Variants in KDM8 observed in about 807,000 individuals in gnomAD.
KDM8 encodes the protein lysine demethylase 8, also known as bifunctional peptidase and arginyl-hydroxylase JMJD5.
A neutral mutation model predicts 46.9 loss-of-function variants in KDM8; 35 were observed. That is an observed-to-expected ratio of 0.75 (90% CI 0.57 to 0.99). The LOEUF (loss-of-function observed/expected upper bound fraction) is 0.99. Among genes scored for constraint, KDM8 ranks in the 50% least tolerant of loss-of-function variants. The pLI, the probability that KDM8 is intolerant of heterozygous loss-of-function variation, is 0.00. For missense variants in KDM8, 475 were observed against 537.0 expected, an observed-to-expected ratio of 0.88 and a Z score of 1.14; for synonymous variants, 232 against 227.7, an observed-to-expected ratio of 1.02 and a Z score of -0.17.
At chr16:27,204,492 A>T in intron 1 of KDM8, 1 of 436,566 alleles carries the variant, frequency 2.3e-6, no homozygotes, top group Admixed American at 4.6e-5. Context: ...TTTTTGTGGA[A>T]TACTGCCATA....
In KDM8 at chr16:27,210,415, G is replaced by T. The variant is rs374928755; in HGVS notation, c.292G>T (p.Gly98Cys). 6.2e-7 allele frequency: 1 copy of T among 1,607,948 alleles called. No individual in the cohort carries two copies. Among genetic ancestry groups the T allele is most frequent in the Non-Finnish European group, 8.5e-7 (1 of 1,175,492 alleles). ...DKDWRRVYAI[G>C]CLLKALCLCQ... is the part of the protein sequence containing the mutation. The stretch of plus-strand genomic sequence containing the variant: ...AGACTGGCGCCGGGTCTACGCCATC[G>T]GCTGCCTCCTGAAAGCCCTGTGTCT... The change falls in exon 2 of 8, where the codon GGC (glycine) becomes TGC (cysteine). Residue 98 changes from glycine (G) to cysteine (C), a missense_variant. By Grantham distance (159) the Gly-to-Cys change is radical. Transcript: ENST00000286096.
intron 6 of KDM8, among the ~76,000 whole-genome samples, chr16:27,219,782 A>G (rs2083597358): frequency 1.3e-5 from 2 of 152,246 alleles, no homozygotes; most frequent in Admixed American, 6.5e-5. Flanking sequence ...CTGCAAAATG[A>G]GAGTGAAGAT....
At chr16:27,218,728 TC>T (rs1333248466) in intron 5 of KDM8, among the ~76,000 whole-genome samples, 1 of 152,100 alleles carries the variant, frequency 6.6e-6, no homozygotes, top group Non-Finnish European at 1.5e-5. Flanking sequence ...ATGCTTGTAG[TC>T]CCAGCTAGTA....
chr16:27,221,684 T>A lies in KDM8; in HGVS notation c.*954T>A, dbSNP rs1389665923. On this transcript the variant is annotated 3_prime_UTR_variant, in exon 8 of 8. Transcript: ENST00000286096. ...TGTCTCGTTTGTGTGCACGCAGGTT[T>A]GTTTTATGTTTTGGCCATTAAGATT... 1 of 152,254 alleles carries A rather than the reference T, an allele frequency of 6.6e-6. No individual in the cohort carries two copies. Among genetic ancestry groups the A allele is most frequent in the Non-Finnish European group, 1.5e-5 (1 of 68,078 alleles). The allele number at this position is 152,254 out of a possible 1,614,324, so 9.4% of individuals were successfully genotyped here.
At chr16:27,204,184 G>T (rs2083405788) in intron 1 of KDM8, 21 of 1,491,696 alleles carry the variant, frequency 1.4e-5, no homozygotes, top group Non-Finnish European at 1.8e-5. Context: ...GGGTACGGGG[G>T]ACCCTCTGGG....
intron 1 of KDM8, chr16:27,203,874 G>A: frequency 2.2e-6 from 1 of 450,246 alleles, no homozygotes; most frequent in South Asian, 4.1e-5. Context: ...GCGTGCGTAT[G>A]CTCGTCTCTT....
chr16:27,204,325 A>G, intron 1 of KDM8: 1 of 1,371,340 alleles, frequency 7.3e-7, no homozygotes, highest in Non-Finnish European at 9.4e-7. Flanking sequence ...GCCCGGGGAC[A>G]GGAGGTGCGC....
chr16:27,217,758 C>T (rs1025982591), intron 5 of KDM8, among the ~76,000 whole-genome samples: 3 of 152,232 alleles, frequency 2.0e-5, no homozygotes, highest in Admixed American at 1.3e-4. Context: ...CAGGTGCCTT[C>T]AGGCTGCGGA....
intron 1 of KDM8, 189 bp downstream of exon 1, chr16:27,203,825 C>T (rs2083399076): frequency 2.4e-6 from 1 of 416,038 alleles, no homozygotes; most frequent in Non-Finnish European, 4.3e-6. Flanking sequence ...TAGCTCGTCG[C>T]CGGCCTGCCC....
rs548433837 is a variant in KDM8, at chr16:27,221,600, C to G, written c.*870C>G. 3 of 152,428 alleles carry G rather than the reference C, an allele frequency of 2.0e-5. No homozygotes were observed. Among genetic ancestry groups the G allele is most frequent in the Non-Finnish European group, 4.4e-5 (3 of 68,098 alleles). The allele number at this position is 152,428 out of a possible 1,614,324, so 9.4% of individuals were successfully genotyped here. A position where few individuals can be genotyped will look rare whatever the true frequency, so the allele number is the denominator to read the frequency against. ...TCACCATCCCCCAGAAGTAATGACT[C>G]TCAAACCTGGGGGATTTGAGGCCAG... is the stretch of plus-strand genomic sequence containing the variant. On this transcript the variant is annotated 3_prime_UTR_variant, in exon 8 of 8. Transcript: ENST00000286096.
chr16:27,211,332 G>T, intron 2 of KDM8: 1 of 395,816 alleles, frequency 2.5e-6, no homozygotes. Flanking sequence ...TCTGCTCCTG[G>T]GTTTGGATGA....
chr16:27,204,007 A>T, intron 1 of KDM8: 1 of 1,140,882 alleles, frequency 8.8e-7, no homozygotes, highest in Non-Finnish European at 1.3e-6. Context: ...ACTCTGCTAT[A>T]TGTGTGTCCG....
At chr16:27,217,950 C>T (rs1231146991) in intron 5 of KDM8, among the ~76,000 whole-genome samples, 1 of 151,996 alleles carries the variant, frequency 6.6e-6, no homozygotes, top group African/African-American at 2.4e-5. Context: ...ACTGAGGTGC[C>T]TGCTAAGGGT....
Position 27,210,530 on chromosome 16 carries a change from A to C in KDM8, c.407A>C (p.Asp136Ala), listed in dbSNP as rs1253275601. 6.5e-7 allele frequency: 1 copy of C among 1,542,384 alleles called. No homozygotes were observed. Among genetic ancestry groups the C allele is most frequent in the African/African-American group, 1.4e-5 (1 of 72,886 alleles). ...GLLMGAAILG[D>A]ILLKVAAILQ... ...CTGATGGGGGCAGCCATCCTGGGGGACATCCTTCTTAAAGTCGCTGCCATC... is the reference window on the plus strand; with the variant it reads ...CTGATGGGGGCAGCCATCCTGGGGGCCATCCTTCTTAAAGTCGCTGCCATC... Residue 136 changes from aspartate to alanine, a missense_variant, in exon 2 of 8, where the codon GAC becomes GCC. Transcript: ENST00000286096.
chr16:27,211,436 C>T, intron 2 of KDM8: 1 of 312,436 alleles, frequency 3.2e-6, no homozygotes, highest in Non-Finnish European at 6.4e-6. Context: ...AGGAACAGAG[C>T]ATGGTTTACT....
intron 5 of KDM8, among the ~76,000 whole-genome samples, chr16:27,216,552 CA>C (rs2083556311): frequency 6.6e-6 from 1 of 152,038 alleles, no homozygotes; most frequent in Non-Finnish European, 1.5e-5. Flanking sequence ...GGGCTACAGC[CA>C]GGGGTGGGCT....
intron 4 of KDM8, among the ~76,000 whole-genome samples, chr16:27,215,539 CCA>C (rs1464431968): frequency 2.0e-5 from 3 of 152,142 alleles, no homozygotes; most frequent in Non-Finnish European, 2.9e-5. Context: ...CAAGATCAGG[CCA>C]CTGCATTCCA....
At chr16:27,209,771 G>T (rs528974706) in intron 1 of KDM8, among the ~76,000 whole-genome samples, 1 of 152,338 alleles carries the variant, frequency 6.6e-6, no homozygotes, top group African/African-American at 2.4e-5. Flanking sequence ...CTCACATAGG[G>T]ATATTTAAGA....
rs201012033 is a variant in KDM8 at position 27,210,491 on chromosome 16, G to A, written c.368G>A (p.Cys123Tyr). 160 of 1,575,438 alleles carry A rather than the reference G, an allele frequency of 1.0e-4. No homozygotes were observed. Among genetic ancestry groups the A allele is most frequent in the Non-Finnish European group, 1.1e-4 (124 of 1,156,638 alleles). The change falls in exon 2 of 8, where the codon TGT becomes TAT. Residue 123 changes from cysteine (C) to tyrosine (Y), a missense_variant. Physicochemically the swap from Cys to Tyr is radical, Grantham distance 194 (BLOSUM62 -2). Coordinates refer to ENST00000286096, the MANE Select transcript of KDM8 (RefSeq NM_024773.3). ...ANTVAAALRV[C>Y]DMGLLMGAAI... ...ACTGTGGCCGCAGCCCTGCGGGTCT[G>A]TGACATGGGCCTGCTGATGGGGGCA... is the stretch of plus-strand genomic sequence containing the variant.
Sources: gnomAD v4.1 joint callset for allele counts (sites outside exome capture counted in the v4.1 genomes callset) on GRCh38, gnomAD v4.1.1 for gene constraint, MANE v1.5 for transcripts, NCBI Gene and HGNC (gene_info 2026-07-23, HGNC 2026-07-21) for gene names.